BCAR3: variants seen among roughly 807,000 people sequenced by gnomAD.
The protein encoded by BCAR3 is BCAR3 adaptor protein, NSP family member.
In BCAR3, 37 loss-of-function variants were observed where a neutral mutation model predicts 80.1. That is an observed-to-expected ratio of 0.46 (90% CI 0.36 to 0.61). BCAR3 has a LOEUF of 0.61. BCAR3 is among the 20% of genes least tolerant of loss of function. BCAR3 has a pLI of 0.00. For synonymous variants in BCAR3, 389 were observed against 418.9 expected (o/e 0.93, Z 0.87); for missense variants, 978 against 1,068.2 (o/e 0.92, Z 1.18).
At chr1:93,567,998 C>A in intron 9 of BCAR3, 147 bp from the exon 10 acceptor site, 1 of 589,768 alleles carries the variant, frequency 1.7e-6, no homozygotes, top group East Asian at 3.1e-5. Flanking sequence ...ACCAGTCTGG[C>A]CAGTATGGTG....
intron 2 of BCAR3, among the ~76,000 whole-genome samples, chr1:93,735,222 C>T (rs1269970977): frequency 6.6e-6 from 1 of 152,220 alleles, no homozygotes; most frequent in Non-Finnish European, 1.5e-5. Flanking sequence ...TTGGCTTGGA[C>T]CTCAGTGTCA....
intron 3 of BCAR3, among the ~76,000 whole-genome samples, chr1:93,697,926 C>T (rs1184547180): frequency 2.0e-5 from 3 of 152,090 alleles, no homozygotes; most frequent in African/African-American, 2.4e-5. Flanking sequence ...TGTCGTGAGC[C>T]GAGATCGTGC....
chr1:93,623,708 G>C (rs1398981750), intron 3 of BCAR3, among the ~76,000 whole-genome samples: 1 of 152,152 alleles, frequency 6.6e-6, no homozygotes, highest in Non-Finnish European at 1.5e-5. Flanking sequence ...CCAGAGGTAA[G>C]TTTCCTAGCT....
intron 4 of BCAR3, 62 bp from the exon 5 acceptor site, chr1:93,589,481 T>G (rs1456050395): frequency 2.8e-6 from 4 of 1,408,904 alleles, no homozygotes. Flanking sequence ...TCTAAAAGCT[T>G]ATGGCTACCC....
intron 2 of BCAR3, among the ~76,000 whole-genome samples, chr1:93,830,908 C>T (rs891265182): frequency 5.9e-5 from 9 of 152,176 alleles, no homozygotes; most frequent in Admixed American, 5.2e-4. Flanking sequence ...TCTTTTCACT[C>T]TCTTCTCCAG....
chr1:93,570,533 C>T (rs570288006), intron 9 of BCAR3, among the ~76,000 whole-genome samples: 1 of 152,308 alleles, frequency 6.6e-6, no homozygotes, highest in African/African-American at 2.4e-5. Flanking sequence ...AGGTTTGACA[C>T]TCATCCTAAA....
At chr1:93,618,935 T>G (rs57512067) in intron 3 of BCAR3, among the ~76,000 whole-genome samples, 2,683 of 150,636 alleles carry the variant, frequency 0.018, 62 homozygotes, top group South Asian at 0.038. Context: ...TTTTTTTTTT[T>G]TTTGTTTTTT....
intron 2 of BCAR3, among the ~76,000 whole-genome samples, chr1:93,724,566 C>T (rs1650515228): frequency 6.6e-6 from 1 of 152,180 alleles, no homozygotes; most frequent in African/African-American, 2.4e-5. Flanking sequence ...CTTCCTGCAG[C>T]ACTGTGAGCC....
intron 2 of BCAR3, among the ~76,000 whole-genome samples, chr1:93,841,644 C>T (rs1654964283): frequency 1.3e-5 from 2 of 152,272 alleles, no homozygotes; most frequent in South Asian, 2.1e-4. Context: ...GACTTCTTCT[C>T]TGAATACCAC....
chr1:93,635,105 G>A (rs1277171614), intron 3 of BCAR3, among the ~76,000 whole-genome samples: 1 of 151,992 alleles, frequency 6.6e-6, no homozygotes, highest in Non-Finnish European at 1.5e-5. Context: ...AGTGCCTGGA[G>A]TCCTAGCTAC....
chr1:93,773,757 C>G (rs779630720), intron 2 of BCAR3, among the ~76,000 whole-genome samples: 27 of 152,194 alleles, frequency 1.8e-4, no homozygotes, highest in South Asian at 1.0e-3. Flanking sequence ...CCCCAGCCAC[C>G]ACACCTCCAT....
At chr1:93,739,240 C>A (rs566174588) in intron 2 of BCAR3, among the ~76,000 whole-genome samples, 1 of 152,142 alleles carries the variant, frequency 6.6e-6, no homozygotes, top group South Asian at 2.1e-4. Flanking sequence ...CCAGTTAAGA[C>A]GAGACATTTC....
chr1:93,817,034 T>C (rs1557697936), intron 2 of BCAR3, among the ~76,000 whole-genome samples: 2 of 152,244 alleles, frequency 1.3e-5, no homozygotes, highest in African/African-American at 4.8e-5. Flanking sequence ...GGGAGGGCAA[T>C]AACTTCCTGG....
intron 8 of BCAR3, among the ~76,000 whole-genome samples, chr1:93,574,086 C>T (rs1311172183): frequency 1.3e-5 from 2 of 152,060 alleles, no homozygotes; most frequent in Non-Finnish European, 2.9e-5. Flanking sequence ...TTTTAATGGC[C>T]CTCTAGTGTT....
At chr1:93,604,815 C>G (rs189232454) in intron 3 of BCAR3, among the ~76,000 whole-genome samples, 1 of 152,236 alleles carries the variant, frequency 6.6e-6, no homozygotes, top group Admixed American at 6.5e-5. Context: ...GCACATACAA[C>G]GCCAACAAAT....
At chr1:93,624,496 C>G (rs1446116829) in intron 3 of BCAR3, among the ~76,000 whole-genome samples, 1 of 152,228 alleles carries the variant, frequency 6.6e-6, no homozygotes, top group Non-Finnish European at 1.5e-5. Context: ...GTTTCCTTCT[C>G]CCCTTAAGAA....
intron 2 of BCAR3, among the ~76,000 whole-genome samples, chr1:93,718,944 C>T (rs772781058): frequency 3.3e-5 from 5 of 151,796 alleles, no homozygotes; most frequent in African/African-American, 9.7e-5. Flanking sequence ...TCAAGCAATC[C>T]GCCCGCCTCG....
chr1:93,822,821 C>CATTTA (rs1553174637), intron 2 of BCAR3, among the ~76,000 whole-genome samples: 1 of 136,672 alleles, frequency 7.3e-6, no homozygotes, highest in Non-Finnish European at 1.7e-5. Context: ...ACCTACCCAT[C>CATTTA]AACTCATCAC....
chr1:93,649,566 G>GA (rs138072351), intron 2 of BCAR3, among the ~76,000 whole-genome samples: 149 of 145,816 alleles, frequency 1.0e-3, no homozygotes, highest in Middle Eastern at 3.5e-3. Flanking sequence ...ATGTAGCTGG[G>GA]AAAAAAAAAA....
Sources: allele counts gnomAD v4.1 joint callset (sites outside exome capture counted in the v4.1 genomes callset), GRCh38; gene constraint gnomAD v4.1.1; transcripts MANE v1.5; gene names NCBI Gene and HGNC (gene_info 2026-07-23, HGNC 2026-07-21).